Variants in PAPPA observed in about 807,000 individuals in gnomAD.
PAPPA encodes the protein pappalysin-1.
A neutral mutation model predicts 164.0 loss-of-function variants in PAPPA; 60 were observed. The ratio of observed to expected loss-of-function variants is 0.37; its 90% confidence interval spans 0.30 to 0.45. PAPPA has a LOEUF of 0.45. Among genes scored for constraint, PAPPA ranks in the 20% least tolerant of loss-of-function variants. The probability of loss-of-function intolerance (pLI) is 1.00; values close to 1 mark genes in which losing one functional copy is unlikely to be tolerated. For missense variants in PAPPA, 1,782 were observed against 2,087.3 expected, an observed-to-expected ratio of 0.85 and a Z score of 2.85; for synonymous variants, 875 against 814.1, an observed-to-expected ratio of 1.07 and a Z score of -1.27.
intron 1 of PAPPA, among the ~76,000 whole-genome samples, chr9:116,166,417 A>G (rs1843720203): frequency 6.6e-6 from 1 of 152,134 alleles, no homozygotes; most frequent in Non-Finnish European, 1.5e-5. Flanking sequence ...CCCCCTTATC[A>G]GTGTCCTTCT....
intron 7 of PAPPA, among the ~76,000 whole-genome samples, chr9:116,237,078 T>C (rs1844677341): frequency 6.6e-6 from 1 of 152,228 alleles, no homozygotes; most frequent in African/African-American, 2.4e-5. Context: ...TACTTGAAAA[T>C]ATTCACTAAG....
intron 18 of PAPPA, among the ~76,000 whole-genome samples, chr9:116,363,999 C>T (rs1846465291): frequency 6.6e-6 from 1 of 152,188 alleles, no homozygotes; most frequent in Non-Finnish European, 1.5e-5. Flanking sequence ...ACTTTAAGAT[C>T]TTATACAGCC....
At chr9:116,208,540 C>T (rs1026355278) in intron 3 of PAPPA, among the ~76,000 whole-genome samples, 1 of 152,162 alleles carries the variant, frequency 6.6e-6, no homozygotes, top group Non-Finnish European at 1.5e-5. Context: ...TTTATTTAAT[C>T]ATTTTCCGTT....
In PAPPA at chr9:116,347,484, G is replaced by C. The variant is rs1846226946; in HGVS notation, c.3964+275G>C. On this transcript the variant is annotated intron_variant, in intron 15 of 21. Coordinates refer to ENST00000328252, the MANE Select transcript of PAPPA (RefSeq NM_002581.5). This position sits in a 1 kb window ranked among gnomAD's most constrained non-coding sequence, Gnocchi z 4.5. ...GAAAGAGAGGATAAAAGTGAAGAAG[G>C]GAGGGAAGAAGGAAGAGAGAAAAAG... Among the ~76,000 whole-genome samples, 1 of 152,134 alleles carries C rather than the reference G, an allele frequency of 6.6e-6. No individual in the cohort carries two copies.
At chr9:116,206,191 TAGTC>T (rs1587951487) in intron 2 of PAPPA, among the ~76,000 whole-genome samples, 1 of 152,180 alleles carries the variant, frequency 6.6e-6, no homozygotes, top group Non-Finnish European at 1.5e-5. Context: ...TTCTTGGAAT[TAGTC>T]AGCTACACCT....
At chr9:116,260,222 C>A (rs1320128708) in intron 7 of PAPPA, among the ~76,000 whole-genome samples, 1 of 151,828 alleles carries the variant, frequency 6.6e-6, no homozygotes, top group Non-Finnish European at 1.5e-5. Flanking sequence ...CCTTTCACAC[C>A]AAAAACAAAA....
intron 21 of PAPPA, among the ~76,000 whole-genome samples, chr9:116,393,465 A>G (rs1479629495): frequency 1.3e-5 from 2 of 152,206 alleles, no homozygotes; most frequent in African/African-American, 4.8e-5. Flanking sequence ...GAATGCATAA[A>G]GACTGAGTTC....
chr9:116,273,843 A>G (rs1845165430), intron 9 of PAPPA, among the ~76,000 whole-genome samples: 1 of 152,208 alleles, frequency 6.6e-6, no homozygotes, highest in African/African-American at 2.4e-5. Flanking sequence ...TTCATTTTAT[A>G]GACTGTTGTT....
chr9:116,375,877 A>G lies in PAPPA; in HGVS notation c.4606-1699A>G, dbSNP rs554929704. ...ACAACCTCTGATCATGTGGACTTCC[A>G]TAGTTGGTTGTTCACAGTTACCTGT... On this transcript the variant is annotated intron_variant, in intron 19 of 21. Coordinates refer to ENST00000328252, the MANE Select transcript of PAPPA (RefSeq NM_002581.5). Among the ~76,000 whole-genome samples, 22 of 152,368 alleles carry G rather than the reference A, an allele frequency of 1.4e-4. No homozygotes were observed. The East Asian group carries it at 4.0e-3, about 28-fold the overall frequency.
intron 1 of PAPPA, among the ~76,000 whole-genome samples, chr9:116,177,862 C>T (rs1843855736): frequency 6.6e-6 from 1 of 152,174 alleles, no homozygotes; most frequent in South Asian, 2.1e-4. Context: ...ACCCCATCCC[C>T]CACCTCTTCT....
At chr9:116,361,498 G>A (rs545240361) in intron 17 of PAPPA, among the ~76,000 whole-genome samples, 1 of 152,246 alleles carries the variant, frequency 6.6e-6, no homozygotes, top group East Asian at 1.9e-4. Flanking sequence ...CAGCACACAC[G>A]ATATTTTTCA....
chr9:116,370,520 C>A (rs1267806962), intron 19 of PAPPA, among the ~76,000 whole-genome samples: 3 of 126,144 alleles, frequency 2.4e-5, no homozygotes, highest in Admixed American at 8.3e-5. Flanking sequence ...TGGCTCTCCA[C>A]AAACATTAGA....
rs1847040847 is a variant in PAPPA, at chr9:116,400,777, GA to G, written c.*4164del. ...CCTACCAATCACTTGCTTTTTAAAAGAAATGTATAATAGCCAAAAGAGAAAT... is the reference window on the plus strand; with the variant it reads ...CCTACCAATCACTTGCTTTTTAAAAGAATGTATAATAGCCAAAAGAGAAAT... On this transcript the variant is annotated 3_prime_UTR_variant, in exon 22 of 22. Transcript: ENST00000328252. 6.6e-6 allele frequency: 1 copy of G among 152,452 alleles called. No individual in the cohort carries two copies. 9.4% of individuals were successfully genotyped at this position (152,452 alleles called of 1,614,324 possible).
intron 19 of PAPPA, 32 bp from the exon 20 acceptor site, chr9:116,377,544 C>A (rs1229597400): frequency 3.2e-6 from 5 of 1,544,008 alleles, no homozygotes; most frequent in Non-Finnish European, 4.5e-6. Context: ...CAATCCCAAG[C>A]CCATCTGACC....
At chr9:116,312,940 G>A (rs996738730) in intron 10 of PAPPA, among the ~76,000 whole-genome samples, 1 of 151,936 alleles carries the variant, frequency 6.6e-6, no homozygotes, top group Non-Finnish European at 1.5e-5. Flanking sequence ...AAAATTAGCT[G>A]GGCGTGGTGG....
At chr9:116,228,788 A>G (rs1477481221) in intron 6 of PAPPA, among the ~76,000 whole-genome samples, 2 of 152,140 alleles carry the variant, frequency 1.3e-5, no homozygotes, top group African/African-American at 4.8e-5. Flanking sequence ...GTGCATCCTC[A>G]CTGAGGTTCC....
At chr9:116,352,260 G>C (rs1053203939) in intron 15 of PAPPA, among the ~76,000 whole-genome samples, 13 of 152,212 alleles carry the variant, frequency 8.5e-5, no homozygotes, top group Non-Finnish European at 1.6e-4. Flanking sequence ...CTGGGCCCAG[G>C]GGGAGAGTGG....
chr9:116,273,789 AG>A (rs1402877879), intron 9 of PAPPA, among the ~76,000 whole-genome samples: 1 of 152,174 alleles, frequency 6.6e-6, no homozygotes, highest in Non-Finnish European at 1.5e-5. Context: ...AAAATAAAAA[AG>A]ATGAGGGAGT....
intron 20 of PAPPA, among the ~76,000 whole-genome samples, chr9:116,377,876 T>A (rs578002694): frequency 6.6e-6 from 1 of 152,004 alleles, no homozygotes; most frequent in Non-Finnish European, 1.5e-5. Flanking sequence ...GGTAACAGAG[T>A]TGGGTTCCAA....
Sources: gnomAD v4.1 joint callset for allele counts (sites outside exome capture counted in the v4.1 genomes callset) on GRCh38, gnomAD v4.1.1 for gene constraint, Gnocchi (gnomAD v3.1) non-coding constraint, MANE v1.5 for transcripts, NCBI Gene and HGNC (gene_info 2026-07-23, HGNC 2026-07-21) for gene names.